BEND3: variants seen among roughly 807,000 people sequenced by gnomAD.
The protein encoded by BEND3 is BEN domain containing 3, also known as BEN domain-containing protein 3.
BEND3 carries 13 observed loss-of-function variants against 60.1 expected under a neutral mutation model. The ratio of observed to expected loss-of-function variants is 0.22; its 90% CI spans 0.14 to 0.34. BEND3 has a LOEUF of 0.34. BEND3 is among the 10% of genes least tolerant of loss of function. The probability of loss-of-function intolerance (pLI) is 1.00; values close to 1 mark genes in which losing one functional copy is unlikely to be tolerated. For missense variants in BEND3, 896 were observed against 1,138.1 expected (o/e 0.79, Z 3.06); for synonymous variants, 497 against 491.5 (o/e 1.01, Z -0.15).
At chr6:107,099,320 G>C in intron 1 of BEND3, 24 bp from the exon 2 acceptor site, 1 of 1,584,956 alleles carries the variant, frequency 6.3e-7, no homozygotes, top group Non-Finnish European at 8.6e-7. Context: ...CAAAGACAAT[G>C]TGTTGACTTA....
At chr6:107,105,514 G>A (rs1318324222) in intron 1 of BEND3, among the ~76,000 whole-genome samples, 1 of 152,152 alleles carries the variant, frequency 6.6e-6, no homozygotes, top group Non-Finnish European at 1.5e-5. Context: ...ACCCATAGGC[G>A]GCTGGGAGTG....
At chr6:107,101,105 G>A (rs935749363) in intron 1 of BEND3, among the ~76,000 whole-genome samples, 11 of 152,126 alleles carry the variant, frequency 7.2e-5, no homozygotes, top group African/African-American at 2.7e-4. Context: ...GGGAGACTGA[G>A]GCAGGAGAAC....
intron 1 of BEND3, among the ~76,000 whole-genome samples, chr6:107,113,463 A>C (rs919233073): frequency 7.0e-6 from 1 of 143,254 alleles, no homozygotes; most frequent in Non-Finnish European, 1.5e-5. Flanking sequence ...ACAAAAAAAA[A>C]ACTCATGTTC....
intron 3 of BEND3, among the ~76,000 whole-genome samples, chr6:107,082,832 A>T (rs1487664198): frequency 2.0e-5 from 3 of 152,206 alleles, no homozygotes; most frequent in African/African-American, 7.2e-5. Flanking sequence ...CATTTCCCGA[A>T]TTCTGGCTTT....
intron 3 of BEND3, among the ~76,000 whole-genome samples, chr6:107,094,818 C>CTT (rs60923094): frequency 1.6e-5 from 1 of 61,962 alleles, no homozygotes; most frequent in African/African-American, 5.9e-5. Flanking sequence ...ATGTCACTGC[C>CTT]TTTTTTTTTT....
intron 1 of BEND3, among the ~76,000 whole-genome samples, chr6:107,105,535 C>A (rs1474304617): frequency 1.3e-5 from 2 of 152,054 alleles, no homozygotes; most frequent in Non-Finnish European, 2.9e-5. Flanking sequence ...GCCCGGGGTA[C>A]CTTTCTATCA....
In BEND3 at chr6:107,066,649, G is replaced by T. The variant is rs191301437; in HGVS notation, c.*2055C>A. On this transcript the variant is annotated 3_prime_UTR_variant, in exon 4 of 4. Transcript: ENST00000369042. ...GGGCAATTCATGGCTTGGAGTCCTCGTTTACATCCTAGAAACCAGAACAAA... is the reference window on the plus strand; with the variant it reads ...GGGCAATTCATGGCTTGGAGTCCTCTTTTACATCCTAGAAACCAGAACAAA... The T allele has an allele frequency of 6.6e-6, 1 of 152,484 alleles. No individual in the cohort carries two copies. Among genetic ancestry groups the T allele is most frequent in the Non-Finnish European group, 1.5e-5 (1 of 68,024 alleles). The allele number at this position is 152,484 out of a possible 1,614,324, so 9.4% of individuals were successfully genotyped here.
At chr6:107,078,579 C>CGAGT (rs1775150271) in intron 3 of BEND3, among the ~76,000 whole-genome samples, 8 of 108,244 alleles carry the variant, frequency 7.4e-5, no homozygotes, top group Admixed American at 1.0e-4. Flanking sequence ...CTCAGCCTCC[C>CGAGT]AAAGTGCTGG....
intron 1 of BEND3, among the ~76,000 whole-genome samples, chr6:107,104,972 C>T (rs1775782255): frequency 6.6e-6 from 1 of 152,156 alleles, no homozygotes; most frequent in African/African-American, 2.4e-5. Context: ...GCTCCAGCTT[C>T]TGGAATATTT....
At position 107,069,792 on chromosome 6, in the gene BEND3, C is replaced by T. The variant is rs1562297714; in HGVS notation, c.1399G>A (p.Ala467Thr). Residue 467 changes from alanine to threonine, a missense_variant, in exon 4 of 4, where the codon GCC becomes ACC. Around this residue, in one of 4 missense-constraint regions of BEND3, gnomAD observed 846 missense variants for 1,036.7 expected, o/e 0.82. Coordinates refer to ENST00000369042, the MANE Select transcript of BEND3 (RefSeq NM_001367314.1). ...IYFPDMQEEE[A>T]WLQQCAQRIN... ...CGCTGGGCACACTGCTGCAGCCAGG[C>T]CTCCTCCTCCTGCATGTCAGGGAAG... 1 of 1,613,162 alleles carries T rather than the reference C, an allele frequency of 6.2e-7. No homozygotes were observed.
rs74612041 is a variant in BEND3 at position 107,072,493 on chromosome 6, C to T, written c.241-1543G>A. ...AGTTTTCAGGTAACTAATGCCAGCA[C>T]AAAACAGTGCATGAGGTGTTTTTCT... On this transcript the variant is annotated intron_variant, in intron 3 of 3. Transcript: ENST00000369042. 2.9e-3 allele frequency among the ~76,000 whole-genome samples: 434 copies of T among 152,260 alleles called. 5 individuals are homozygous for T. The East Asian group carries it at 0.032, about 11-fold the overall frequency.
At position 107,065,738 on chromosome 6, in the gene BEND3, A is replaced by T. The variant is rs1183657717; in HGVS notation, c.*2966T>A. On this transcript the variant is annotated 3_prime_UTR_variant, in exon 4 of 4. Transcript: ENST00000369042. ...TACCAATTAAATAGCCAATCTATTC[A>T]CCACTAAGTAGATCCCATTGGTTGG... 6.6e-6 allele frequency: 1 copy of T among 152,188 alleles called. No homozygotes were observed. 9.4% of individuals were successfully genotyped at this position (152,188 alleles called of 1,614,324 possible).
chr6:107,093,426 A>T (rs963298750), intron 3 of BEND3, among the ~76,000 whole-genome samples: 1 of 151,580 alleles, frequency 6.6e-6, no homozygotes, highest in Non-Finnish European at 1.5e-5. Flanking sequence ...GCGCCACTGC[A>T]CTCCAGCCTG....
At chr6:107,104,343 G>A (rs1419160392) in intron 1 of BEND3, among the ~76,000 whole-genome samples, 1 of 150,198 alleles carries the variant, frequency 6.7e-6, no homozygotes, top group Non-Finnish European at 1.5e-5. Flanking sequence ...AGGCTGGAAA[G>A]AGTTACACAC....
In BEND3 at chr6:107,069,977, G is replaced by A; in HGVS notation, c.1214C>T (p.Ser405Phe). Residue 405 changes from serine to phenylalanine, a missense_variant, in exon 4 of 4, where the codon TCC (serine) becomes TTC (phenylalanine). By Grantham distance (155) the Ser-to-Phe change is radical. Transcript: ENST00000369042. ...GAAGACGGCAAACTCGCCTGGTGAGGAGGCTTCGTCCAGGAACTCAGTGAG... is the reference window on the plus strand; with the variant it reads ...GAAGACGGCAAACTCGCCTGGTGAGAAGGCTTCGTCCAGGAACTCAGTGAG... ...QDLTEFLDEA[S>F]SPGEFAVFLL... is the part of the protein sequence containing the mutation. 6.2e-7 allele frequency: 1 copy of A among 1,613,534 alleles called. No individual in the cohort carries two copies. The highest frequency in any genetic ancestry group is 1.1e-5 in the South Asian group (1 of 91,078).
At chr6:107,097,526 C>T (rs1198206489) in intron 3 of BEND3, among the ~76,000 whole-genome samples, 1 of 151,776 alleles carries the variant, frequency 6.6e-6, no homozygotes, top group Non-Finnish European at 1.5e-5. Context: ...CACAGTGGCT[C>T]ACACCTGTAA....
intron 3 of BEND3, among the ~76,000 whole-genome samples, chr6:107,088,220 G>A (rs1554234600): frequency 2.0e-5 from 3 of 151,738 alleles, no homozygotes; most frequent in Admixed American, 6.6e-5. Context: ...GGCTGGACAC[G>A]GCTGAAAAAA....
intron 3 of BEND3, among the ~76,000 whole-genome samples, chr6:107,093,626 G>A (rs1372352816): frequency 6.6e-6 from 1 of 152,282 alleles, no homozygotes; most frequent in East Asian, 1.9e-4. Context: ...GACAGTCAAC[G>A]GAAGCAATAC....
chr6:107,098,277 C>T (rs1453393426), intron 3 of BEND3, among the ~76,000 whole-genome samples: 1 of 152,238 alleles, frequency 6.6e-6, no homozygotes, highest in East Asian at 1.9e-4. Context: ...TCAGCAAGCT[C>T]CTGCTTTCCC....
Sources: gnomAD v4.1 joint callset for allele counts (sites outside exome capture counted in the v4.1 genomes callset) on GRCh38, gnomAD v4.1.1 for gene constraint, gnomAD v4.1.1 regional missense constraint, MANE v1.5 for transcripts, NCBI Gene and HGNC (gene_info 2026-07-23, HGNC 2026-07-21) for gene names.